The following GOLGA8B variants were observed in gnomAD, a reference collection of about 807,000 sequenced individuals.
The protein encoded by GOLGA8B is golgin subfamily A member 8B.
A neutral mutation model predicts 15.6 loss-of-function variants in GOLGA8B; 1 was observed. The observed-to-expected ratio is 0.06, with a 90% CI of 0.02 to 0.30. The LOEUF (loss-of-function observed/expected upper bound fraction) is 0.30. Among genes scored for constraint, GOLGA8B ranks in the 10% least tolerant of loss-of-function variants. The probability of loss-of-function intolerance (pLI) is 1.00; values close to 1 mark genes in which losing one functional copy is unlikely to be tolerated. For missense variants in GOLGA8B, 17 were observed against 201.3 expected, an observed-to-expected ratio of 0.08 and a Z score of 5.54; for synonymous variants, 9 against 80.3, an observed-to-expected ratio of 0.11 and a Z score of 4.75.
chr15:34,544,615 TGAAA>T (rs1888267043), intron 7 of GOLGA8B, among the ~76,000 whole-genome samples: 1 of 142,296 alleles, frequency 7.0e-6, no homozygotes, highest in South Asian at 2.3e-4. Context: ...TTAAGAGGAT[TGAAA>T]GAGTTAATAA....
intron 1 of GOLGA8B, among the ~76,000 whole-genome samples, chr15:34,576,418 T>C (rs1889083537): frequency 6.6e-6 from 1 of 152,218 alleles, no homozygotes; most frequent in Non-Finnish European, 1.5e-5. Context: ...AATCAGGAGT[T>C]CTTGGTCTGG....
intron 1 of GOLGA8B, among the ~76,000 whole-genome samples, chr15:34,572,042 T>G (rs76426389): frequency 0.047 from 6,667 of 141,556 alleles, no homozygotes; most frequent in South Asian, 0.14. Context: ...CAAATTAGTA[T>G]TAAGCACAGA....
chr15:34,558,439 CAG>C (rs1327201176), intron 1 of GOLGA8B, among the ~76,000 whole-genome samples: 1 of 30,512 alleles, frequency 3.3e-5, no homozygotes, highest in Non-Finnish European at 5.9e-5. Flanking sequence ...TTTGTAGAGA[CAG>C]GGTCTCACCA....
chr15:34,567,474 T>C (rs1341557447), intron 1 of GOLGA8B, among the ~76,000 whole-genome samples: 1 of 151,760 alleles, frequency 6.6e-6, no homozygotes, highest in Non-Finnish European at 1.5e-5. Context: ...AGGCTGCAGC[T>C]ACTAATTTTC....
Position 34,527,256 on chromosome 15 carries a change from C to T in GOLGA8B, c.*376G>A, listed in dbSNP as rs1297946247. On this transcript the variant is annotated 3_prime_UTR_variant, in exon 24 of 24. Transcript: ENST00000683415. Reference sequence around the variant, plus strand: ...TTTATCTGAATTCTGTAATGAACATCCATGCTGCAATAACATTAAAAAAGC... The same window carrying T: ...TTTATCTGAATTCTGTAATGAACATTCATGCTGCAATAACATTAAAAAAGC... The T allele has an allele frequency of 5.7e-6, 2 of 347,862 alleles. No individual in the cohort carries two copies. Among genetic ancestry groups the T allele is most frequent in the Admixed American group, 4.5e-5 (1 of 22,040 alleles). 21.5% of individuals were successfully genotyped at this position (347,862 alleles called of 1,614,324 possible).
intron 1 of GOLGA8B, among the ~76,000 whole-genome samples, chr15:34,570,454 C>T (rs544256230): frequency 0.039 from 4,703 of 121,898 alleles, 348 homozygotes; most frequent in African/African-American, 0.13. Context: ...TGTGACACAG[C>T]GGCTGCCCTG....
At chr15:34,576,060 G>A (rs1009055433) in intron 1 of GOLGA8B, among the ~76,000 whole-genome samples, 5 of 152,184 alleles carry the variant, frequency 3.3e-5, no homozygotes, top group African/African-American at 1.2e-4. Context: ...GGACGGGCAA[G>A]GTGAGACCTA....
At chr15:34,572,716 T>G (rs1170993801) in intron 1 of GOLGA8B, among the ~76,000 whole-genome samples, 1 of 152,214 alleles carries the variant, frequency 6.6e-6, no homozygotes, top group Non-Finnish European at 1.5e-5. Context: ...TCATTTTCTA[T>G]TCTACATGAT....
At chr15:34,575,925 A>G (rs1486135740) in intron 1 of GOLGA8B, among the ~76,000 whole-genome samples, 3 of 152,212 alleles carry the variant, frequency 2.0e-5, no homozygotes, top group African/African-American at 7.2e-5. Context: ...TACTGAGTGC[A>G]TGGGTGGATA....
At chr15:34,568,132 G>A (rs1323012399) in intron 1 of GOLGA8B, among the ~76,000 whole-genome samples, 1 of 150,272 alleles carries the variant, frequency 6.7e-6, no homozygotes, top group Non-Finnish European at 1.5e-5. Context: ...CCGGCAACAT[G>A]CAGAACCACA....
At chr15:34,554,308 C>A (rs1322948488) in intron 1 of GOLGA8B, among the ~76,000 whole-genome samples, 2 of 152,412 alleles carry the variant, frequency 1.3e-5, no homozygotes, top group East Asian at 3.8e-4. Flanking sequence ...ATGTCCCAGG[C>A]TGCCGGTCTG....
chr15:34,574,608 A>G (rs1259996309), intron 1 of GOLGA8B, among the ~76,000 whole-genome samples: 2 of 152,052 alleles, frequency 1.3e-5, no homozygotes, highest in African/African-American at 4.8e-5. Flanking sequence ...CCAGCCTTCA[A>G]ATCAGATTTC....
chr15:34,582,495 T>C (rs76212798), intron 1 of GOLGA8B, among the ~76,000 whole-genome samples: 3 of 152,238 alleles, frequency 2.0e-5, no homozygotes, highest in Non-Finnish European at 4.4e-5. Context: ...TTTGGGGCGC[T>C]TCATCCACCG....
chr15:34,572,039 G>C (rs1415989373), intron 1 of GOLGA8B, among the ~76,000 whole-genome samples: 1 of 152,224 alleles, frequency 6.6e-6, no homozygotes, highest in African/African-American at 2.4e-5. Flanking sequence ...ATTCAAATTA[G>C]TATTAAGCAC....
At chr15:34,580,433 GC>G (rs1259530827) in intron 1 of GOLGA8B, among the ~76,000 whole-genome samples, 1 of 152,180 alleles carries the variant, frequency 6.6e-6, no homozygotes, top group Non-Finnish European at 1.5e-5. Context: ...AAACCTCACA[GC>G]CGGCACAGAA....
intron 1 of GOLGA8B, among the ~76,000 whole-genome samples, chr15:34,581,741 A>T (rs1247112091): frequency 6.6e-6 from 1 of 152,120 alleles, no homozygotes; most frequent in African/African-American, 2.4e-5. Context: ...TCCTGCTCAC[A>T]CACACTCACA....
chr15:34,580,203 G>A (rs199992805), intron 1 of GOLGA8B, among the ~76,000 whole-genome samples: 19 of 150,940 alleles, frequency 1.3e-4, no homozygotes, highest in South Asian at 8.6e-4. Context: ...GATGACAGGT[G>A]GGGATGGGGT....
intron 1 of GOLGA8B, among the ~76,000 whole-genome samples, chr15:34,577,623 A>G (rs764928624): frequency 2.6e-5 from 4 of 151,922 alleles, no homozygotes; most frequent in Non-Finnish European, 4.4e-5. Context: ...TTTCATCATT[A>G]TGAGAACATC....
intron 1 of GOLGA8B, among the ~76,000 whole-genome samples, chr15:34,576,594 C>T (rs1278455214): frequency 6.6e-6 from 1 of 152,174 alleles, no homozygotes; most frequent in Non-Finnish European, 1.5e-5. Context: ...ACAATACATG[C>T]ACAAAAGAAA....
Sources: allele counts gnomAD v4.1 joint callset (sites outside exome capture counted in the v4.1 genomes callset), GRCh38; gene constraint gnomAD v4.1.1; transcripts MANE v1.5; gene names NCBI Gene and HGNC (gene_info 2026-07-23, HGNC 2026-07-21).